Variants in SEPTIN11 observed in about 807,000 individuals in gnomAD.
SEPTIN11 encodes septin-11.
Under a neutral mutation model 51.4 loss-of-function variants are expected in SEPTIN11, and 25 were observed. That is an observed-to-expected ratio of 0.49 (90% CI 0.35 to 0.68). The LOEUF is 0.68. SEPTIN11 is among the 30% of genes least tolerant of loss of function. SEPTIN11 has a pLI of 0.00. For missense variants in SEPTIN11, 381 were observed against 520.8 expected, an observed-to-expected ratio of 0.73 and a Z score of 2.61; for synonymous variants, 174 against 184.1, an observed-to-expected ratio of 0.95 and a Z score of 0.44.
chr4:77,011,093 AG>A (rs1724830303), intron 3 of SEPTIN11, among the ~76,000 whole-genome samples: 2 of 152,210 alleles, frequency 1.3e-5, no homozygotes, highest in Admixed American at 6.5e-5. Flanking sequence ...ATAATAGTCT[AG>A]GCGCCTCAGT....
At chr4:76,950,300 C>T (rs1721273837) in intron 1 of SEPTIN11, among the ~76,000 whole-genome samples, 2 of 152,218 alleles carry the variant, frequency 1.3e-5, no homozygotes, top group Admixed American at 1.3e-4. Flanking sequence ...GGCTTTCCTC[C>T]AGTCTCCCCC....
At chr4:77,016,637 TATATATATATATATATATACAC>T (rs1725304851) in intron 5 of SEPTIN11, among the ~76,000 whole-genome samples, 1 of 93,542 alleles carries the variant, frequency 1.1e-5, no homozygotes, top group Non-Finnish European at 2.2e-5. Flanking sequence ...TATACACATA[TATATATATATATATATATACAC>T]ATATATATAT....
chr4:76,956,150 C>G (rs1721547514), intron 1 of SEPTIN11, among the ~76,000 whole-genome samples: 1 of 152,160 alleles, frequency 6.6e-6, no homozygotes, highest in Non-Finnish European at 1.5e-5. Context: ...ACTCATTAAA[C>G]TTACTCTGAC....
At chr4:76,990,142 C>G (rs183636047) in intron 1 of SEPTIN11, among the ~76,000 whole-genome samples, 3 of 152,232 alleles carry the variant, frequency 2.0e-5, no homozygotes, top group Non-Finnish European at 4.4e-5. Flanking sequence ...TCAGAGTGCC[C>G]TTTTTTCAAT....
At position 76,990,022 on chromosome 4, in the gene SEPTIN11, GAACAAA is replaced by G. The variant is rs1216178904; in HGVS notation, c.28-6402_28-6397del. On this transcript the variant is annotated intron_variant, in intron 1 of 9. Transcript: ENST00000264893. ...GCAAGATTTATTGTGAAGAGCAAAA[GAACAAA>G]GCTTCCACAGCGTGGAAGGGGACCT... Among the ~76,000 whole-genome samples, 5 of 152,250 alleles carry G rather than the reference GAACAAA, an allele frequency of 3.3e-5. No homozygotes were observed. The South Asian group carries it at 1.0e-3, about 32-fold the overall frequency.
At chr4:76,962,525 G>A (rs1219065977) in intron 1 of SEPTIN11, among the ~76,000 whole-genome samples, 1 of 152,114 alleles carries the variant, frequency 6.6e-6, no homozygotes, top group Non-Finnish European at 1.5e-5. Context: ...CGGGAAAAAA[G>A]GCTGAGAATT....
chr4:77,001,124 G>A (rs1023817654), intron 2 of SEPTIN11, among the ~76,000 whole-genome samples: 1 of 152,144 alleles, frequency 6.6e-6, no homozygotes, highest in Non-Finnish European at 1.5e-5. Flanking sequence ...GGAAAAGGTA[G>A]GACTGCTTTC....
At chr4:76,995,956 A>G in intron 1 of SEPTIN11, 1 of 1,534,834 alleles carries the variant, frequency 6.5e-7, no homozygotes, top group Non-Finnish European at 8.7e-7. Context: ...GAGCATTGTC[A>G]TCATTGTAAG....
At chr4:77,001,198 T>C (rs2109941636) in intron 2 of SEPTIN11, among the ~76,000 whole-genome samples, 1 of 152,310 alleles carries the variant, frequency 6.6e-6, no homozygotes, top group East Asian at 1.9e-4. Flanking sequence ...AAGTCCCAGA[T>C]AGCACTTTAA....
At position 77,018,341 on chromosome 4, in the gene SEPTIN11, T is replaced by C. The variant is rs770621669; in HGVS notation, c.688-824T>C. On this transcript the variant is annotated intron_variant, in intron 5 of 9. Coordinates refer to ENST00000264893, the MANE Select transcript of SEPTIN11 (RefSeq NM_018243.4). ...GCCGGTGCCTGTAGTCCCAGCTATTTGGGACGCTGAGGCAGGAGAATGGCG... is the reference window on the plus strand; with the variant it reads ...GCCGGTGCCTGTAGTCCCAGCTATTCGGGACGCTGAGGCAGGAGAATGGCG... Among the ~76,000 whole-genome samples the C allele has an allele frequency of 4.2e-4, 63 of 151,602 alleles. 1 individual carries two copies. The highest frequency in any genetic ancestry group is 1.2e-4 in the Non-Finnish European group (8 of 67,948).
chr4:76,953,345 C>T (rs1721422459), intron 1 of SEPTIN11, among the ~76,000 whole-genome samples: 1 of 152,098 alleles, frequency 6.6e-6, no homozygotes, highest in South Asian at 2.1e-4. Context: ...ATGTGTAAAT[C>T]ATTTAGGGAG....
At chr4:76,956,991 TGTGA>T (rs1040973139) in intron 1 of SEPTIN11, among the ~76,000 whole-genome samples, 21 of 138,296 alleles carry the variant, frequency 1.5e-4, no homozygotes, top group South Asian at 6.9e-4. Context: ...TGTGTGTGTG[TGTGA>T]GAGAGAGAGA....
chr4:76,975,287 A>G (rs1722444112), intron 1 of SEPTIN11, among the ~76,000 whole-genome samples: 1 of 152,128 alleles, frequency 6.6e-6, no homozygotes, highest in Admixed American at 6.5e-5. Context: ...AACTCTTTCT[A>G]CCATCCCAAA....
intron 1 of SEPTIN11, among the ~76,000 whole-genome samples, chr4:76,958,538 A>G (rs1375439273): frequency 6.6e-6 from 1 of 152,178 alleles, no homozygotes; most frequent in Non-Finnish European, 1.5e-5. Context: ...TTTTGGGGAA[A>G]CCTAGATGAA....
chr4:76,998,528 C>T (rs902940540), intron 2 of SEPTIN11, among the ~76,000 whole-genome samples: 1 of 152,170 alleles, frequency 6.6e-6, no homozygotes, highest in Non-Finnish European at 1.5e-5. Flanking sequence ...AGTCACGTTG[C>T]ATCGCTCTTT....
In SEPTIN11 at chr4:77,036,096, A is replaced by T. The variant is rs116285286; in HGVS notation, c.*1584A>T. ...TTTCTCCTTTTCTTTGTCCTCAACC[A>T]TACTTAGAGGAAAGAAGGAATGGTC... On this transcript the variant is annotated 3_prime_UTR_variant, in exon 10 of 10. Coordinates refer to ENST00000264893, the MANE Select transcript of SEPTIN11 (RefSeq NM_018243.4). The T allele has an allele frequency of 3.6e-3, 3,532 of 985,908 alleles. 92 individuals are homozygous for T. The African/African-American group carries it at 0.054, about 15-fold the overall frequency. 61.1% of individuals were successfully genotyped at this position (985,908 alleles called of 1,614,324 possible).
intron 1 of SEPTIN11, among the ~76,000 whole-genome samples, chr4:76,990,678 C>A (rs1197025495): frequency 6.6e-6 from 1 of 152,206 alleles, no homozygotes; most frequent in African/African-American, 2.4e-5. Flanking sequence ...CCCAAACCAA[C>A]CCTGTCCGTG....
rs1560718061 is a variant in SEPTIN11 at position 76,996,449 on chromosome 4, TTGTC to T, written c.55_58del (p.Ser19AlafsTer38). 1.2e-6 allele frequency: 2 copies of T among 1,614,130 alleles called. No individual in the cohort carries two copies. The highest frequency in any genetic ancestry group is 8.5e-7 in the Non-Finnish European group (1 of 1,179,944). On this transcript the variant is annotated frameshift_variant, in exon 2 of 10. Coordinates refer to ENST00000264893, the MANE Select transcript of SEPTIN11 (RefSeq NM_018243.4). LOFTEE classifies it high-confidence loss of function. ...GAATGAAGAGCTTCGAAACTTGTCT[TTGTC>T]TGGCCATGTGGGATTTGACAGCCTC...
At chr4:76,960,593 ACT>A (rs1486606333) in intron 1 of SEPTIN11, among the ~76,000 whole-genome samples, 5 of 152,026 alleles carry the variant, frequency 3.3e-5, no homozygotes, top group Non-Finnish European at 7.4e-5. Context: ...GGTGATGAAG[ACT>A]CTCATTGACT....
Sources: allele counts gnomAD v4.1 joint callset (sites outside exome capture counted in the v4.1 genomes callset), GRCh38; gene constraint gnomAD v4.1.1; transcripts MANE v1.5; gene names NCBI Gene and HGNC (gene_info 2026-07-23, HGNC 2026-07-21).